Variants in CNTNAP2 observed in about 807,000 individuals in gnomAD.
CNTNAP2 encodes contactin associated protein 2.
Under a neutral mutation model 155.2 loss-of-function variants are expected in CNTNAP2, and 98 were observed. That is an observed-to-expected ratio of 0.63 (90% confidence interval 0.54 to 0.75). The LOEUF (loss-of-function observed/expected upper bound fraction) is 0.75. Among genes scored for constraint, CNTNAP2 ranks in the 30% least tolerant of loss-of-function variants. The pLI, the probability that CNTNAP2 is intolerant of heterozygous loss-of-function variation, is 0.00. For synonymous variants in CNTNAP2, 651 were observed against 631.2 expected, an observed-to-expected ratio of 1.03 and a Z score of -0.47; for missense variants, 1,727 against 1,688.1, an observed-to-expected ratio of 1.02 and a Z score of -0.40.
intron 13 of CNTNAP2, among the ~76,000 whole-genome samples, chr7:147,673,707 G>A (rs1217948423): frequency 5.9e-5 from 9 of 152,148 alleles, no homozygotes; most frequent in Non-Finnish European, 1.2e-4. Context: ...TGGGAAGAAT[G>A]GCCAAGACTG....
At chr7:147,566,277 C>T (rs886610587) in intron 12 of CNTNAP2, among the ~76,000 whole-genome samples, 6 of 142,138 alleles carry the variant, frequency 4.2e-5, no homozygotes, top group African/African-American at 1.3e-4. Flanking sequence ...GCCTGAGTGC[C>T]AGAAACCCTG....
At chr7:148,000,679 A>G (rs972572201) in intron 15 of CNTNAP2, among the ~76,000 whole-genome samples, 1 of 152,194 alleles carries the variant, frequency 6.6e-6, no homozygotes, top group Admixed American at 6.5e-5. Context: ...ATAACAAGAG[A>G]AAGATTCCCT....
intron 8 of CNTNAP2, among the ~76,000 whole-genome samples, chr7:147,227,755 C>T (rs1053019467): frequency 6.6e-6 from 1 of 152,112 alleles, no homozygotes; most frequent in African/African-American, 2.4e-5. Flanking sequence ...GCTCTCTACT[C>T]ATGATTCCAG....
intron 10 of CNTNAP2, among the ~76,000 whole-genome samples, chr7:147,452,253 C>CA (rs1021082587): frequency 1.3e-5 from 2 of 152,118 alleles, no homozygotes; most frequent in Non-Finnish European, 2.9e-5. Context: ...TTCCTCTGTC[C>CA]AAGTCCTATA....
At chr7:147,359,118 G>C (rs1219433539) in intron 9 of CNTNAP2, among the ~76,000 whole-genome samples, 1 of 152,086 alleles carries the variant, frequency 6.6e-6, no homozygotes, top group Non-Finnish European at 1.5e-5. Flanking sequence ...GCATCTCATA[G>C]TGATGTCTAA....
intron 12 of CNTNAP2, among the ~76,000 whole-genome samples, chr7:147,580,378 C>A (rs1007576776): frequency 6.6e-6 from 1 of 152,140 alleles, no homozygotes; most frequent in African/African-American, 2.4e-5. Context: ...TACACCCTCA[C>A]TGAATTTTGA....
intron 9 of CNTNAP2, among the ~76,000 whole-genome samples, chr7:147,355,717 A>G (rs1421311702): frequency 1.3e-5 from 2 of 152,122 alleles, no homozygotes; most frequent in African/African-American, 4.8e-5. Context: ...GGACACATAC[A>G]CCCACCCAAG....
intron 3 of CNTNAP2, among the ~76,000 whole-genome samples, chr7:146,843,887 AC>A (rs1188269298): frequency 3.3e-5 from 5 of 152,100 alleles, no homozygotes; most frequent in Admixed American, 6.6e-5. Flanking sequence ...AAAACACCTT[AC>A]AAGATGTAAA....
chr7:146,777,449 C>T (rs1802409788), intron 2 of CNTNAP2, among the ~76,000 whole-genome samples: 1 of 152,146 alleles, frequency 6.6e-6, no homozygotes, highest in African/African-American at 2.4e-5. Context: ...ACATGTAGGG[C>T]TTCACCCTTG....
At chr7:148,331,568 GTGGATGGATGGAATGGATGGATGGAA>G (rs1424332339) in intron 21 of CNTNAP2, among the ~76,000 whole-genome samples, 22 of 6,958 alleles carry the variant, frequency 3.2e-3, no homozygotes, top group Admixed American at 4.9e-3. Context: ...GACGGATGGA[GTGGATGGATGGAATGGATGGATGGAA>G]TGGATGGATG....
At chr7:148,000,167 G>C (rs1378328683) in intron 15 of CNTNAP2, among the ~76,000 whole-genome samples, 1 of 152,152 alleles carries the variant, frequency 6.6e-6, no homozygotes, top group East Asian at 1.9e-4. Context: ...CTGATGCGGA[G>C]TCAGTGAGGA....
intron 1 of CNTNAP2, among the ~76,000 whole-genome samples, chr7:146,367,155 A>G (rs1375162629): frequency 6.6e-6 from 1 of 152,148 alleles, no homozygotes; most frequent in Non-Finnish European, 1.5e-5. Flanking sequence ...ATTGTTGATG[A>G]CTAATATCAT....
intron 1 of CNTNAP2, among the ~76,000 whole-genome samples, chr7:146,425,374 T>G (rs1796073091): frequency 6.6e-6 from 1 of 152,186 alleles, no homozygotes; most frequent in African/African-American, 2.4e-5. Flanking sequence ...TGCCCAAAGT[T>G]ATTTTCCTTT....
At chr7:146,539,999 ACACAG>A (rs1409257496) in intron 1 of CNTNAP2, among the ~76,000 whole-genome samples, 2 of 152,042 alleles carry the variant, frequency 1.3e-5, no homozygotes, top group Non-Finnish European at 2.9e-5. Context: ...GAGGGTGTTT[ACACAG>A]GTGCAGCTTC....
intron 15 of CNTNAP2, among the ~76,000 whole-genome samples, chr7:148,010,788 A>G (rs1261139060): frequency 5.3e-5 from 8 of 152,016 alleles, no homozygotes; most frequent in Non-Finnish European, 8.8e-5. Context: ...CCTACTGTCA[A>G]CATCCATCAA....
chr7:146,567,856 G>A (rs987638944), intron 1 of CNTNAP2, among the ~76,000 whole-genome samples: 1 of 152,152 alleles, frequency 6.6e-6, no homozygotes, highest in Admixed American at 6.5e-5. Flanking sequence ...GAGTAGCTGG[G>A]ACTACAGGCG....
chr7:146,540,542 A>G (rs1439495764), intron 1 of CNTNAP2, among the ~76,000 whole-genome samples: 2 of 152,008 alleles, frequency 1.3e-5, no homozygotes, highest in Non-Finnish European at 2.9e-5. Flanking sequence ...AGAAGTTACT[A>G]CCTCTAATTT....
At chr7:147,571,425 A>AT (rs1331002477) in intron 12 of CNTNAP2, among the ~76,000 whole-genome samples, 1 of 151,610 alleles carries the variant, frequency 6.6e-6, no homozygotes, top group African/African-American at 2.4e-5. Context: ...GCTTTACATA[A>AT]TTTGTATATT....
intron 12 of CNTNAP2, among the ~76,000 whole-genome samples, chr7:147,619,792 T>C (rs1020931995): frequency 6.6e-6 from 1 of 152,172 alleles, no homozygotes; most frequent in Non-Finnish European, 1.5e-5. Flanking sequence ...TGGCTGGCTG[T>C]GCTACCTGAT....
Sources: allele counts gnomAD v4.1 joint callset (sites outside exome capture counted in the v4.1 genomes callset), GRCh38; gene constraint gnomAD v4.1.1; transcripts MANE v1.5; gene names NCBI Gene and HGNC (gene_info 2026-07-23, HGNC 2026-07-21).